RBMS3: variants seen among roughly 807,000 people sequenced by gnomAD.
RBMS3 encodes the protein RNA-binding motif, single-stranded-interacting protein 3.
In RBMS3, 27 loss-of-function variants were observed where a neutral mutation model predicts 66.8. The observed-to-expected ratio is 0.40, with a 90% CI of 0.30 to 0.56. The LOEUF is 0.56. RBMS3 is among the 20% of genes least tolerant of loss of function. The probability of loss-of-function intolerance (pLI) is 0.40; values close to 1 mark genes in which losing one functional copy is unlikely to be tolerated. For missense variants in RBMS3, 513 were observed against 549.5 expected (o/e 0.93, Z 0.66); for synonymous variants, 188 against 183.0 (o/e 1.03, Z -0.22).
intron 6 of RBMS3, among the ~76,000 whole-genome samples, chr3:29,782,713 A>C (rs993538728): frequency 6.6e-6 from 1 of 152,342 alleles, no homozygotes; most frequent in Middle Eastern, 3.4e-3. Flanking sequence ...AGAATTCAGA[A>C]GGTTGATTAT....
chr3:29,442,101 C>T (rs1384097656), intron 2 of RBMS3, among the ~76,000 whole-genome samples: 1 of 152,136 alleles, frequency 6.6e-6, no homozygotes, highest in East Asian at 1.9e-4. Context: ...TTCCAAAAGT[C>T]AAACATTTAT....
intron 13 of RBMS3, among the ~76,000 whole-genome samples, chr3:29,988,447 CTCTT>C (rs1698584279): frequency 6.6e-6 from 1 of 152,208 alleles, no homozygotes; most frequent in African/African-American, 2.4e-5. Flanking sequence ...CGACGGGAGT[CTCTT>C]TCATATTTAG....
At chr3:29,787,363 C>CA (rs774949323) in intron 6 of RBMS3, among the ~76,000 whole-genome samples, 56 of 151,778 alleles carry the variant, frequency 3.7e-4, no homozygotes, top group African/African-American at 6.3e-4. Context: ...AGTCATTACA[C>CA]AAAAAAAATA....
chr3:29,677,435 A>T (rs1197028793), intron 4 of RBMS3, among the ~76,000 whole-genome samples: 1 of 152,194 alleles, frequency 6.6e-6, no homozygotes, highest in Non-Finnish European at 1.5e-5. Flanking sequence ...AAAGTTTGGT[A>T]GTCAATTTTC....
At chr3:29,414,306 G>A (rs1575750813) in intron 1 of RBMS3, among the ~76,000 whole-genome samples, 6 of 152,240 alleles carry the variant, frequency 3.9e-5, no homozygotes, top group Admixed American at 3.9e-4. Flanking sequence ...CATGAGATAG[G>A]ACACAGTCAA....
chr3:29,523,777 C>T (rs1022000239), intron 3 of RBMS3, among the ~76,000 whole-genome samples: 4 of 152,086 alleles, frequency 2.6e-5, no homozygotes, highest in East Asian at 1.9e-4. Context: ...CTTTGTTGCC[C>T]GGGCTGGAGT....
rs5847560 is a variant in RBMS3, at chr3:29,281,114, G to GTTTTTTTTTT, written c.-559_-550dup. On this transcript the variant is annotated 5_prime_UTR_variant, in exon 1 of 15. Transcript: ENST00000383767. ...GACAGCAGCAACTAAGCTGTACAAG[G>GTTTTTTTTTT]TTTTTTTTTTTTTTTTTTCTTCCTT... 1 of 100,444 alleles carries GTTTTTTTTTT rather than the reference G, an allele frequency of 1.0e-5. No homozygotes were observed. The highest frequency in any genetic ancestry group is 3.9e-5 in the African/African-American group (1 of 25,482). 6.2% of individuals were successfully genotyped at this position (100,444 alleles called of 1,614,324 possible). A position where few individuals can be genotyped will look rare whatever the true frequency, so the allele number is the denominator to read the frequency against.
intron 4 of RBMS3, among the ~76,000 whole-genome samples, chr3:29,668,623 G>A (rs1208667596): frequency 3.3e-5 from 5 of 152,134 alleles, no homozygotes; most frequent in African/African-American, 4.8e-5. Flanking sequence ...GCAGGGTCTC[G>A]GCCCATGGAA....
chr3:29,873,350 A>G (rs1038013557), intron 7 of RBMS3, among the ~76,000 whole-genome samples: 47 of 151,946 alleles, frequency 3.1e-4, no homozygotes, highest in Non-Finnish European at 5.1e-4. Context: ...TTTTGTGGCA[A>G]TCGTGAATGG....
chr3:29,497,332 T>A (rs2043792697), intron 3 of RBMS3, among the ~76,000 whole-genome samples: 1 of 152,258 alleles, frequency 6.6e-6, no homozygotes, highest in African/African-American at 2.4e-5. Flanking sequence ...TTAAAATAAT[T>A]GTTGAGGAAT....
rs550048679 is a variant in RBMS3, at chr3:29,308,124, A to G, written c.75+26368A>G. Reference sequence around the variant, plus strand: ...CCATTAAGTAGTATAAATTTCTGTTATTTTTAAATACTTGTCAGCAGTATG... The same window carrying G: ...CCATTAAGTAGTATAAATTTCTGTTGTTTTTAAATACTTGTCAGCAGTATG... On this transcript the variant is annotated intron_variant, in intron 1 of 14. Transcript: ENST00000383767. Among the ~76,000 whole-genome samples the G allele has an allele frequency of 2.0e-5, 3 of 151,934 alleles. No homozygotes were observed. The South Asian group carries it at 6.2e-4, about 31-fold the overall frequency.
chr3:29,692,886 A>G (rs541915115), intron 4 of RBMS3, among the ~76,000 whole-genome samples: 7 of 152,272 alleles, frequency 4.6e-5, no homozygotes, highest in Admixed American at 1.3e-4. Flanking sequence ...TTTAGTGCTT[A>G]TATTTGCTTT....
intron 4 of RBMS3, among the ~76,000 whole-genome samples, chr3:29,711,002 C>A (rs890284906): frequency 2.0e-5 from 3 of 152,090 alleles, no homozygotes; most frequent in African/African-American, 7.2e-5. Flanking sequence ...TACAGTAGCT[C>A]CCCCCTTATT....
At chr3:29,829,081 G>C in intron 6 of RBMS3, among the ~76,000 whole-genome samples, 1 of 148,948 alleles carries the variant, frequency 6.7e-6, no homozygotes. Flanking sequence ...GTCTCACTCT[G>C]TCACCCAGGC....
At chr3:29,597,100 ACT>A (rs1450211424) in intron 4 of RBMS3, among the ~76,000 whole-genome samples, 5 of 152,108 alleles carry the variant, frequency 3.3e-5, no homozygotes, top group African/African-American at 1.2e-4. Context: ...AAGACCAATA[ACT>A]CTTATATTTT....
intron 3 of RBMS3, among the ~76,000 whole-genome samples, chr3:29,566,112 G>A (rs1485893628): frequency 1.3e-5 from 2 of 152,142 alleles, no homozygotes; most frequent in Non-Finnish European, 2.9e-5. Context: ...GCTAGTATGA[G>A]CCAGAATGTG....
intron 3 of RBMS3, among the ~76,000 whole-genome samples, chr3:29,546,181 TA>T (rs1268185374): frequency 6.6e-6 from 1 of 151,696 alleles, no homozygotes; most frequent in Non-Finnish European, 1.5e-5. Flanking sequence ...CATACACATT[TA>T]TTTTTTATTT....
intron 3 of RBMS3, among the ~76,000 whole-genome samples, chr3:29,544,389 G>T (rs3773067): frequency 1.2e-5 from 1 of 86,032 alleles, no homozygotes; most frequent in South Asian, 4.4e-4. Flanking sequence ...TTACAAATTT[G>T]TTTTTTTTTA....
At chr3:29,411,149 T>A (rs1476662567) in intron 1 of RBMS3, among the ~76,000 whole-genome samples, 1 of 152,206 alleles carries the variant, frequency 6.6e-6, no homozygotes, top group Non-Finnish European at 1.5e-5. Context: ...TGATATCTGA[T>A]ATCCATTCAT....
Sources: allele counts gnomAD v4.1 joint callset (sites outside exome capture counted in the v4.1 genomes callset), GRCh38; gene constraint gnomAD v4.1.1; transcripts MANE v1.5; gene names NCBI Gene and HGNC (gene_info 2026-07-23, HGNC 2026-07-21).